The following KIF21A variants were observed in gnomAD, a reference collection of about 807,000 sequenced individuals.
KIF21A encodes the protein kinesin family member 21A.
Under a neutral mutation model 202.9 loss-of-function variants are expected in KIF21A, and 114 were observed. The ratio of observed to expected loss-of-function variants is 0.56; its 90% CI spans 0.48 to 0.66. KIF21A has a LOEUF of 0.66. Ranked by LOEUF, KIF21A falls within the 30% of genes least tolerant of loss-of-function variation. The pLI is 0.00. For synonymous variants in KIF21A, 667 were observed against 670.8 expected, an observed-to-expected ratio of 0.99 and a Z score of 0.09; for missense variants, 1,677 against 1,994.9, an observed-to-expected ratio of 0.84 and a Z score of 3.04.
Position 39,309,719 on chromosome 12 carries a change from A to G in KIF21A, c.4144T>C (p.Ser1382Pro). ...WNLVTGQEIM[S>P]LGGHPNNVVS... ...ACATTGTTGGGATGACCCCCCAGTGACATTATTTCCTGCCCAGTCACCAGA... is the reference window on the plus strand; with the variant it reads ...ACATTGTTGGGATGACCCCCCAGTGGCATTATTTCCTGCCCAGTCACCAGA... Residue 1382 changes from serine (S) to proline (P), a missense_variant, in exon 33 of 38, where the codon TCA becomes CCA. Ser to Pro is a moderately conservative substitution (Grantham distance 74). This residue lies in a region of KIF21A where 705 missense variants were observed against 791.9 expected (regional missense o/e 0.89). Transcript: ENST00000361418. The G allele has an allele frequency of 6.2e-7, 1 of 1,613,520 alleles. No individual in the cohort carries two copies. Among genetic ancestry groups the G allele is most frequent in the South Asian group, 1.1e-5 (1 of 91,074 alleles).
At position 39,333,047 on chromosome 12, in the gene KIF21A, G is replaced by A. The variant is rs952754000; in HGVS notation, c.2548C>T (p.Arg850Trp). ...MSDKVAGKVT[R>W]KLSSSDAPAQ... ...GGTGCATCAGATGAACTCAGCTTCC[G>A]AGTAACTTTCCCAGCCACTTTATCT... The change falls in exon 19 of 38, where the codon CGG (arginine) becomes TGG (tryptophan). Residue 850 changes from arginine (R) to tryptophan (W), a missense_variant. Transcript: ENST00000361418. The A allele has an allele frequency of 1.9e-6, 3 of 1,613,982 alleles. No homozygotes were observed. Among genetic ancestry groups the A allele is most frequent in the African/African-American group, 1.3e-5 (1 of 75,032 alleles).
intron 8 of KIF21A, among the ~76,000 whole-genome samples, 162 bp from the exon 9 acceptor site, chr12:39,357,599 C>T (rs980507981): frequency 6.6e-6 from 1 of 151,970 alleles, no homozygotes; most frequent in African/African-American, 2.4e-5. Flanking sequence ...GAACACTCCA[C>T]AATGCATTTG....
At chr12:39,302,091 A>C (rs1014072065) in intron 36 of KIF21A, among the ~76,000 whole-genome samples, 3 of 152,230 alleles carry the variant, frequency 2.0e-5, no homozygotes, top group Non-Finnish European at 4.4e-5. Context: ...AACTTTCAAT[A>C]GAGAATATAG....
chr12:39,319,717 G>C (rs1419355509), intron 28 of KIF21A, among the ~76,000 whole-genome samples, 189 bp downstream of exon 28: 1 of 151,820 alleles, frequency 6.6e-6, no homozygotes, highest in Non-Finnish European at 1.5e-5. Flanking sequence ...ATCTTTACAG[G>C]TATATGTATG....
intron 1 of KIF21A, among the ~76,000 whole-genome samples, chr12:39,435,015 G>C (rs1383675090): frequency 6.6e-6 from 1 of 152,152 alleles, no homozygotes; most frequent in Non-Finnish European, 1.5e-5. Flanking sequence ...CTCCAAAGTT[G>C]AGAATAATTC....
At chr12:39,387,941 C>G (rs774311191) in intron 1 of KIF21A, among the ~76,000 whole-genome samples, 1 of 152,170 alleles carries the variant, frequency 6.6e-6, no homozygotes, top group African/African-American at 2.4e-5. Flanking sequence ...ATGGTACCCT[C>G]TTTTGCTATA....
At chr12:39,318,783 A>C (rs1434596206) in intron 28 of KIF21A, among the ~76,000 whole-genome samples, 1 of 152,170 alleles carries the variant, frequency 6.6e-6, no homozygotes, top group Non-Finnish European at 1.5e-5. Flanking sequence ...GATTGAGAGC[A>C]TCCTGGCTAA....
chr12:39,386,051 T>C (rs547688310), intron 1 of KIF21A, among the ~76,000 whole-genome samples: 1 of 152,204 alleles, frequency 6.6e-6, no homozygotes, highest in South Asian at 2.1e-4. Flanking sequence ...AGCTCCAATA[T>C]GTATCCTATG....
Position 39,389,179 on chromosome 12 carries a change from TACAC to T in KIF21A, c.45-18922_45-18919del, listed in dbSNP as rs10632410. On this transcript the variant is annotated intron_variant, in intron 1 of 37. Coordinates refer to ENST00000361418, the MANE Select transcript of KIF21A (RefSeq NM_001173464.2). ...TTAATATTTATTCAGTAAATACACATACACACACACACACACACACACACACACA... is the reference window on the plus strand; with the variant it reads ...TTAATATTTATTCAGTAAATACACATACACACACACACACACACACACACA... Among the ~76,000 whole-genome samples, 620 of 142,150 alleles carry T rather than the reference TACAC, an allele frequency of 4.4e-3. 5 individuals are homozygous for T. The highest frequency in any genetic ancestry group is 0.012 in the African/African-American group (491 of 39,710). 93.3% of individuals were successfully genotyped at this position (142,150 alleles called of 152,430 possible).
chr12:39,320,219 T>C (rs557230168), intron 27 of KIF21A, among the ~76,000 whole-genome samples: 98 of 152,292 alleles, frequency 6.4e-4, no homozygotes, highest in Middle Eastern at 3.4e-3. Flanking sequence ...ATTTTTAAAT[T>C]GGTGATCTTA....
At chr12:39,306,353 T>C (rs1943473451) in intron 34 of KIF21A, among the ~76,000 whole-genome samples, 1 of 152,210 alleles carries the variant, frequency 6.6e-6, no homozygotes, top group Non-Finnish European at 1.5e-5. Flanking sequence ...GCTCTTACTA[T>C]GAGTCAGATT....
intron 16 of KIF21A, among the ~76,000 whole-genome samples, chr12:39,337,862 G>C (rs1056944161): frequency 2.3e-4 from 35 of 152,160 alleles, no homozygotes; most frequent in Admixed American, 2.0e-3. Context: ...GTTTGCAGTA[G>C]TGCTGGTATA....
chr12:39,432,086 G>C (rs1208205598), intron 1 of KIF21A, among the ~76,000 whole-genome samples: 1 of 152,180 alleles, frequency 6.6e-6, no homozygotes, highest in Non-Finnish European at 1.5e-5. Flanking sequence ...GAAGTGTTTT[G>C]TGTTGAACTG....
At chr12:39,408,482 G>A (rs1473225838) in intron 1 of KIF21A, among the ~76,000 whole-genome samples, 1 of 152,128 alleles carries the variant, frequency 6.6e-6, no homozygotes, top group Non-Finnish European at 1.5e-5. Context: ...CTGTGGTCCA[G>A]GGATTGAGGA....
In KIF21A at chr12:39,397,565, T is replaced by G. The variant is rs186429904; in HGVS notation, c.45-27304A>C. ...TTTTCTCTGCAGCGACTCCCAAGGC[T>G]CCAAGACAGTAGTACTGACATATTC... On this transcript the variant is annotated intron_variant, in intron 1 of 37. Transcript: ENST00000361418. 4.1e-3 allele frequency among the ~76,000 whole-genome samples: 631 copies of G among 152,294 alleles called. 6 individuals carry two copies. The highest frequency in any genetic ancestry group is 0.015 in the African/African-American group (616 of 41,560).
At position 39,307,665 on chromosome 12, in the gene KIF21A, G is replaced by C; in HGVS notation, c.4342C>G (p.Pro1448Ala). Residue 1448 changes from proline (P) to alanine (A), a missense_variant, in exon 34 of 38, where the codon CCT becomes GCT. Pro to Ala is a conservative substitution (Grantham distance 27, BLOSUM62 -1). Transcript: ENST00000361418. ...SASTSRTVAIPSGENQINQIA... is the reference protein window; with the variant it reads ...SASTSRTVAIASGENQINQIA... Reference sequence around the variant, plus strand: ...TGATTGATCTGGTTCTCTCCAGAAGGAATAGCTACTGTTCGACTGGTACTT... The same window carrying C: ...TGATTGATCTGGTTCTCTCCAGAAGCAATAGCTACTGTTCGACTGGTACTT... 1.9e-6 allele frequency: 3 copies of C among 1,613,882 alleles called. No homozygotes were observed. The highest frequency in any genetic ancestry group is 2.5e-6 in the Non-Finnish European group (3 of 1,179,804).
chr12:39,384,572 G>A (rs1464491048), intron 1 of KIF21A, among the ~76,000 whole-genome samples: 1 of 152,134 alleles, frequency 6.6e-6, no homozygotes, highest in Non-Finnish European at 1.5e-5. Flanking sequence ...ATAGAATATA[G>A]GTATATAGGG....
At chr12:39,335,925 C>T (rs977407196) in intron 17 of KIF21A, among the ~76,000 whole-genome samples, 1 of 152,166 alleles carries the variant, frequency 6.6e-6, no homozygotes, top group Non-Finnish European at 1.5e-5. Flanking sequence ...TCACTACCCC[C>T]CTTTTCTCTA....
Position 39,322,802 on chromosome 12 carries a change from A to C in KIF21A, c.3537T>G (p.Asp1179Glu), listed in dbSNP as rs554469530. 3.3e-5 allele frequency: 53 copies of C among 1,614,124 alleles called. No individual in the cohort carries two copies. The African/African-American group carries it at 6.8e-4, about 21-fold the overall frequency. ...GTGTGAGAGGGCCAGGCAAGGAGGCATCTCCTGTACTAGTGTCTGAAGCTA... is the reference window on the plus strand; with the variant it reads ...GTGTGAGAGGGCCAGGCAAGGAGGCCTCTCCTGTACTAGTGTCTGAAGCTA... ...SELASDTSTG[D>E]ASLPGPLTPV... The change falls in exon 27 of 38, where the codon GAT becomes GAG. Residue 1179 changes from aspartate to glutamate, a missense_variant. By Grantham distance (45) the Asp-to-Glu change is conservative. Transcript: ENST00000361418.
Sources: allele counts gnomAD v4.1 joint callset (sites outside exome capture counted in the v4.1 genomes callset), GRCh38; gene constraint gnomAD v4.1.1; regional missense constraint gnomAD v4.1.1; transcripts MANE v1.5; gene names NCBI Gene and HGNC (gene_info 2026-07-23, HGNC 2026-07-21).